Variants in HACD2 observed in about 807,000 individuals in gnomAD.
HACD2 encodes the protein very-long-chain (3R)-3-hydroxyacyl-CoA dehydratase 2.
In HACD2, 15 loss-of-function variants were observed where a neutral mutation model predicts 31.0. The observed-to-expected ratio is 0.48, with a 90% CI of 0.32 to 0.75. The LOEUF is 0.75. HACD2 is among the 30% of genes least tolerant of loss of function. The pLI is 0.03. For synonymous variants in HACD2, 115 were observed against 122.2 expected (o/e 0.94, Z 0.39); for missense variants, 283 against 313.0 (o/e 0.90, Z 0.72).
chr3:123,497,718 G>C (rs1403695005), intron 6 of HACD2, among the ~76,000 whole-genome samples: 1 of 152,108 alleles, frequency 6.6e-6, no homozygotes. Context: ...TGTATATATT[G>C]CAACTACAGC....
At chr3:123,537,613 TA>T (rs568475902) in intron 3 of HACD2, among the ~76,000 whole-genome samples, 2 of 135,558 alleles carry the variant, frequency 1.5e-5, no homozygotes, top group Admixed American at 7.4e-5. Flanking sequence ...ACACACACGG[TA>T]AAAAAAAGTT....
At chr3:123,556,249 C>T (rs2056671487) in intron 3 of HACD2, among the ~76,000 whole-genome samples, 1 of 151,984 alleles carries the variant, frequency 6.6e-6, no homozygotes, top group Admixed American at 6.6e-5. Flanking sequence ...CCATCCCTGG[C>T]AACACGGAGA....
At chr3:123,563,516 G>A (rs2056756047) in intron 3 of HACD2, among the ~76,000 whole-genome samples, 1 of 152,214 alleles carries the variant, frequency 6.6e-6, no homozygotes, top group Non-Finnish European at 1.5e-5. Flanking sequence ...ACCCACAGGA[G>A]CAGTGTGGAG....
intron 2 of HACD2, among the ~76,000 whole-genome samples, chr3:123,569,336 G>A (rs546929620): frequency 6.6e-6 from 1 of 152,246 alleles, no homozygotes; most frequent in South Asian, 2.1e-4. Context: ...GAAACAAGAA[G>A]ACAGATGACA....
intron 2 of HACD2, among the ~76,000 whole-genome samples, chr3:123,574,634 CTT>C (rs1490404983): frequency 1.3e-5 from 2 of 151,870 alleles, no homozygotes; most frequent in African/African-American, 4.8e-5. Flanking sequence ...CCTCATTCAT[CTT>C]GTTTTCAATT....
intron 4 of HACD2, among the ~76,000 whole-genome samples, chr3:123,511,410 A>G (rs1559903176): frequency 6.6e-6 from 1 of 152,160 alleles, no homozygotes; most frequent in African/African-American, 2.4e-5. Context: ...TTCAAAATCA[A>G]TAACTATTGG....
intron 4 of HACD2, among the ~76,000 whole-genome samples, chr3:123,523,213 A>G (rs1380147267): frequency 6.6e-6 from 1 of 152,212 alleles, no homozygotes; most frequent in Non-Finnish European, 1.5e-5. Context: ...GGGCATTAGG[A>G]CATTATGTAT....
intron 4 of HACD2, among the ~76,000 whole-genome samples, chr3:123,527,831 G>C (rs575943661): frequency 2.6e-5 from 4 of 152,182 alleles, no homozygotes; most frequent in Admixed American, 2.6e-4. Context: ...TTACATTTGC[G>C]GGTAGAAGGC....
intron 4 of HACD2, among the ~76,000 whole-genome samples, chr3:123,503,774 G>A (rs537432429): frequency 4.1e-5 from 6 of 147,628 alleles, no homozygotes; most frequent in Non-Finnish European, 7.4e-5. Context: ...CCCATAAACC[G>A]AACAAATCTT....
In HACD2 at chr3:123,500,565, G is replaced by A; in HGVS notation, c.632C>T (p.Ser211Phe). The A allele has an allele frequency of 1.2e-6, 2 of 1,611,798 alleles. No individual in the cohort carries two copies. The highest frequency in any genetic ancestry group is 1.7e-6 in the Non-Finnish European group (2 of 1,177,940). Residue 211 changes from serine to phenylalanine, a missense_variant, in exon 6 of 7, where the codon TCT becomes TTT. Ser to Phe is a radical substitution (Grantham distance 155). Coordinates refer to ENST00000383657, the MANE Select transcript of HACD2 (RefSeq NM_198402.5). ...AATCAGGAATGCATAGTAGTCAAAAGAGAAATTGTATTTGTTGGGTAAACT... is the reference window on the plus strand; with the variant it reads ...AATCAGGAATGCATAGTAGTCAAAAAAGAAATTGTATTTGTTGGGTAAACT... ...SISLPNKYNF[S>F]FDYYAFLILI...
intron 4 of HACD2, among the ~76,000 whole-genome samples, chr3:123,505,938 C>T (rs903832897): frequency 6.6e-6 from 1 of 152,218 alleles, no homozygotes; most frequent in South Asian, 2.1e-4. Flanking sequence ...CTTGTAGGCC[C>T]TGGACATATC....
intron 3 of HACD2, among the ~76,000 whole-genome samples, chr3:123,538,900 G>T (rs999100176): frequency 6.6e-6 from 1 of 152,144 alleles, no homozygotes; most frequent in Admixed American, 6.6e-5. Context: ...AAGGAAGAAC[G>T]AACACTTTCA....
At chr3:123,565,552 T>C (rs867001236) in intron 3 of HACD2, among the ~76,000 whole-genome samples, 1 of 152,194 alleles carries the variant, frequency 6.6e-6, no homozygotes, top group African/African-American at 2.4e-5. Flanking sequence ...CACCTTGATC[T>C]TGGAATTCCC....
intron 4 of HACD2, among the ~76,000 whole-genome samples, chr3:123,512,017 G>A (rs554973167): frequency 6.6e-6 from 1 of 152,158 alleles, no homozygotes; most frequent in East Asian, 1.9e-4. Context: ...AGCAGCATGA[G>A]GCCCTCACCA....
chr3:123,524,629 C>T (rs572852112), intron 4 of HACD2, among the ~76,000 whole-genome samples: 1 of 152,262 alleles, frequency 6.6e-6, no homozygotes, highest in African/African-American at 2.4e-5. Context: ...TGAGAGAAGT[C>T]AGCACAACAA....
chr3:123,541,338 G>A, intron 3 of HACD2, among the ~76,000 whole-genome samples: 1 of 152,242 alleles, frequency 6.6e-6, no homozygotes, highest in Non-Finnish European at 1.5e-5. Flanking sequence ...AAACAACAAG[G>A]TTGAGAGAAT....
At chr3:123,582,421 C>G in intron 1 of HACD2, 92 bp from the exon 2 acceptor site, 1 of 768,218 alleles carries the variant, frequency 1.3e-6, no homozygotes, top group Non-Finnish European at 2.0e-6. Flanking sequence ...AAAGATATTG[C>G]TAAAGGTGAC....
intron 3 of HACD2, among the ~76,000 whole-genome samples, chr3:123,546,743 T>G (rs2056564359): frequency 6.6e-6 from 1 of 152,194 alleles, no homozygotes; most frequent in Admixed American, 6.5e-5. Context: ...CCTTTTATAG[T>G]TGAGAAAATG....
At chr3:123,570,703 T>G (rs1457611707) in intron 2 of HACD2, among the ~76,000 whole-genome samples, 1 of 152,152 alleles carries the variant, frequency 6.6e-6, no homozygotes, top group African/African-American at 2.4e-5. Context: ...TGAAATCCTA[T>G]TGAGACATAC....
Sources: allele counts gnomAD v4.1 joint callset (sites outside exome capture counted in the v4.1 genomes callset), GRCh38; gene constraint gnomAD v4.1.1; transcripts MANE v1.5; gene names NCBI Gene and HGNC (gene_info 2026-07-23, HGNC 2026-07-21).